The following IL1RL2 variants were observed in gnomAD, a reference collection of about 807,000 sequenced individuals.
IL1RL2 encodes interleukin-1 receptor-like 2.
In IL1RL2, 68 loss-of-function variants were observed where a neutral mutation model predicts 66.8. The ratio of observed to expected loss-of-function variants is 1.02; its 90% confidence interval spans 0.84 to 1.25. The LOEUF (loss-of-function observed/expected upper bound fraction) is 1.25, where lower values mean the gene tolerates loss of function less well. IL1RL2 is among the 50% of genes most tolerant of loss of function. IL1RL2 has a pLI of 0.00. For synonymous variants in IL1RL2, 305 were observed against 264.6 expected (o/e 1.15, Z -1.48); for missense variants, 729 against 709.3 (o/e 1.03, Z -0.32).
chr2:102,214,207 G>T (rs1689416403), intron 6 of IL1RL2, among the ~76,000 whole-genome samples: 1 of 152,070 alleles, frequency 6.6e-6, no homozygotes, highest in South Asian at 2.1e-4. Context: ...CAATTAAAAG[G>T]CAAGAGAAGG....
intron 8 of IL1RL2, among the ~76,000 whole-genome samples, chr2:102,224,586 G>C (rs897038870): frequency 2.0e-5 from 3 of 152,160 alleles, no homozygotes; most frequent in African/African-American, 7.2e-5. Flanking sequence ...GTGAAGCGGG[G>C]ATAAAGAGAG....
rs1439770519 is a variant in IL1RL2, at chr2:102,233,031, G to T, written c.1204G>T (p.Asp402Tyr). The T allele has an allele frequency of 1.2e-6, 2 of 1,614,106 alleles. No individual in the cohort carries two copies. The highest frequency in any genetic ancestry group is 2.2e-5 in the East Asian group (1 of 44,888). Reference sequence around the variant, plus strand: ...CAAGGAAAGCCAGAGGCATGCCGTGGATGCCCTGGTGTTGAATATCCTGCC... The same window carrying T: ...CAAGGAAAGCCAGAGGCATGCCGTGTATGCCCTGGTGTTGAATATCCTGCC... ...PHKESQRHAV[D>Y]ALVLNILPEV... Residue 402 changes from aspartate to tyrosine, a missense_variant, in exon 10 of 12, where the codon GAT (aspartate) becomes TAT (tyrosine). By Grantham distance (160) the Asp-to-Tyr change is radical. Transcript: ENST00000264257.
intron 7 of IL1RL2, among the ~76,000 whole-genome samples, 195 bp downstream of exon 7, chr2:102,219,277 T>A (rs1376034819): frequency 1.3e-5 from 2 of 152,198 alleles, no homozygotes; most frequent in African/African-American, 4.8e-5. Flanking sequence ...CCATTTCTCT[T>A]AGCTACTACT....
At chr2:102,216,242 A>G (rs1689602975) in intron 6 of IL1RL2, among the ~76,000 whole-genome samples, 2 of 152,252 alleles carry the variant, frequency 1.3e-5, no homozygotes, top group Non-Finnish European at 1.5e-5. Flanking sequence ...AATGAATGAA[A>G]TAAATGCAAT....
intron 5 of IL1RL2, among the ~76,000 whole-genome samples, chr2:102,207,699 G>A (rs138307764): frequency 1.2e-4 from 18 of 152,092 alleles, no homozygotes; most frequent in African/African-American, 3.9e-4. Flanking sequence ...GCAGTCTGGG[G>A]TGATAAAGAG....
chr2:102,196,628 C>G (rs1687808122), intron 4 of IL1RL2, among the ~76,000 whole-genome samples: 1 of 152,186 alleles, frequency 6.6e-6, no homozygotes, highest in Admixed American at 6.5e-5. Context: ...AAAACTAGAG[C>G]AGACCCTGGG....
chr2:102,225,767 T>G (rs1395342206), intron 8 of IL1RL2, 131 bp from the exon 9 acceptor site: 1 of 557,834 alleles, frequency 1.8e-6, no homozygotes, highest in Admixed American at 4.1e-5. Context: ...GTTTAAGCAG[T>G]GCCCTCATTG....
chr2:102,206,769 C>T (rs1688739819), intron 5 of IL1RL2, among the ~76,000 whole-genome samples: 1 of 152,254 alleles, frequency 6.6e-6, no homozygotes, highest in Admixed American at 6.5e-5. Flanking sequence ...TGGTGCTCTA[C>T]AATCAGCCGG....
chr2:102,241,393 C>T (rs1484024363), downstream of IL1RL2, among the ~76,000 whole-genome samples: 2 of 152,154 alleles, frequency 1.3e-5, no homozygotes, highest in African/African-American at 4.8e-5. Context: ...CAACCACTTG[C>T]TGAGGGAGTA....
At chr2:102,218,829 G>A (rs938461393) in intron 6 of IL1RL2, 124 bp from the exon 7 acceptor site, 1 of 794,370 alleles carries the variant, frequency 1.3e-6, no homozygotes, top group South Asian at 1.8e-5. Context: ...TGCCTAGGGG[G>A]CTATTTCTGG....
Position 102,238,970 on chromosome 2 carries a change from G to A in IL1RL2, c.1679-222G>A, listed in dbSNP as rs34957167. Reference sequence around the variant, plus strand: ...TGTCATCCAAATTCACCTTTCCTCTGGGGCTCTTATAGGAAAGGTGAGAGT... The same window carrying A: ...TGTCATCCAAATTCACCTTTCCTCTAGGGCTCTTATAGGAAAGGTGAGAGT... On this transcript the variant is annotated intron_variant, in intron 11 of 11. Coordinates refer to ENST00000264257, the MANE Select transcript of IL1RL2 (RefSeq NM_003854.4). Among the ~76,000 whole-genome samples, 558 of 152,210 alleles carry A rather than the reference G, an allele frequency of 3.7e-3. 4 individuals carry two copies. Among genetic ancestry groups the A allele is most frequent in the African/African-American group, 0.013 (524 of 41,534 alleles).
At chr2:102,206,903 A>G (rs1688753454) in intron 5 of IL1RL2, among the ~76,000 whole-genome samples, 1 of 152,254 alleles carries the variant, frequency 6.6e-6, no homozygotes, top group Non-Finnish European at 1.5e-5. Flanking sequence ...AACAAACCTT[A>G]GAAGTCTACC....
chr2:102,210,057 A>AAAAATCTGAGCTCAAAC (rs1449856279), intron 5 of IL1RL2, among the ~76,000 whole-genome samples: 1 of 152,150 alleles, frequency 6.6e-6, no homozygotes, highest in Non-Finnish European at 1.5e-5. Context: ...GAAGGAAAGG[A>AAAAATCTGAGCTCAAAC]AAAATCTGAG....
chr2:102,235,526 C>T, intron 11 of IL1RL2: 1 of 985,434 alleles, frequency 1.0e-6, no homozygotes, highest in Non-Finnish European at 1.2e-6. Context: ...GACACATGCC[C>T]ACTCACTGAG....
chr2:102,235,912 G>A, intron 11 of IL1RL2: 1 of 985,412 alleles, frequency 1.0e-6, no homozygotes, highest in Non-Finnish European at 1.2e-6. Flanking sequence ...CTGCCTCTTG[G>A]TCACCCTTCC....
chr2:102,237,455 C>T (rs1253737479), intron 11 of IL1RL2, among the ~76,000 whole-genome samples: 1 of 152,232 alleles, frequency 6.6e-6, no homozygotes, highest in Non-Finnish European at 1.5e-5. Context: ...CTGCCCACTC[C>T]AGCACTGCAG....
intron 6 of IL1RL2, among the ~76,000 whole-genome samples, chr2:102,215,795 A>G (rs1411838950): frequency 6.6e-6 from 1 of 152,170 alleles, no homozygotes; most frequent in Admixed American, 6.5e-5. Context: ...CATGAAGACT[A>G]CACTTCTGTC....
intron 1 of IL1RL2, chr2:102,187,486 C>T (rs1269103485): frequency 1.2e-6 from 1 of 806,714 alleles, no homozygotes; most frequent in Non-Finnish European, 1.7e-6. Context: ...CGTCTGGAAC[C>T]CAGGCCGCAG....
Position 102,219,864 on chromosome 2 carries a change from A to G in IL1RL2, c.855-17A>G. On this transcript the variant is annotated splice_polypyrimidine_tract_variant and intron_variant, in intron 7 of 11. Transcript: ENST00000264257. ...AATCTGACTCATGTATTAATGACTT[A>G]CTCTTTTCTTTTATAGAACCCATGT... The G allele has an allele frequency of 6.3e-7, 1 of 1,594,364 alleles. No individual in the cohort carries two copies. Among genetic ancestry groups the G allele is most frequent in the African/African-American group, 1.3e-5 (1 of 74,678 alleles).
Sources: allele counts gnomAD v4.1 joint callset (sites outside exome capture counted in the v4.1 genomes callset), GRCh38; gene constraint gnomAD v4.1.1; transcripts MANE v1.5; gene names NCBI Gene and HGNC (gene_info 2026-07-23, HGNC 2026-07-21).